Variants in ZHX2 observed in about 807,000 individuals in gnomAD.
ZHX2 encodes the protein zinc fingers and homeoboxes 2.
ZHX2 carries 6 observed loss-of-function variants against 21.9 expected under a neutral mutation model. The observed-to-expected ratio is 0.27, with a 90% CI of 0.15 to 0.54. The LOEUF is 0.54. ZHX2 is among the 20% of genes least tolerant of loss of function. The pLI is 0.95. For missense variants in ZHX2, 908 were observed against 1,090.7 expected, an observed-to-expected ratio of 0.83 and a Z score of 2.36; for synonymous variants, 434 against 437.1, an observed-to-expected ratio of 0.99 and a Z score of 0.09.
chr8:122,864,638 C>A (rs1204387795), intron 2 of ZHX2, among the ~76,000 whole-genome samples: 1 of 152,100 alleles, frequency 6.6e-6, no homozygotes, highest in Non-Finnish European at 1.5e-5. Flanking sequence ...ACTCACCCAC[C>A]CCCCCACTCC....
intron 2 of ZHX2, among the ~76,000 whole-genome samples, chr8:122,906,974 A>G (rs1353086455): frequency 6.6e-6 from 1 of 152,106 alleles, no homozygotes; most frequent in Non-Finnish European, 1.5e-5. Flanking sequence ...CTCGGCTATA[A>G]TTTTCATAAA....
intron 2 of ZHX2, among the ~76,000 whole-genome samples, chr8:122,934,691 G>GTTTC (rs1335947592): frequency 1.4e-5 from 2 of 139,362 alleles, no homozygotes; most frequent in Admixed American, 7.5e-5. Flanking sequence ...TCCCTCCTTC[G>GTTTC]TTTCTTTCTT....
chr8:122,866,147 A>T (rs1455227557), intron 2 of ZHX2, among the ~76,000 whole-genome samples: 5 of 152,194 alleles, frequency 3.3e-5, no homozygotes, highest in Non-Finnish European at 7.3e-5. Flanking sequence ...ACCAGCACAA[A>T]AGAAATATTC....
intron 1 of ZHX2, among the ~76,000 whole-genome samples, chr8:122,798,801 C>CAA (rs35258860): frequency 5.4e-5 from 7 of 128,936 alleles, no homozygotes; most frequent in Non-Finnish European, 8.3e-5. Flanking sequence ...GAGACTGTCT[C>CAA]AAAAAAAAAA....
intron 2 of ZHX2, among the ~76,000 whole-genome samples, chr8:122,879,230 C>G (rs1438937624): frequency 6.6e-6 from 1 of 152,018 alleles, no homozygotes; most frequent in East Asian, 1.9e-4. Flanking sequence ...TTTTTTGAGA[C>G]AGAGTCTCGC....
At chr8:122,844,835 C>G (rs1381854487) in intron 1 of ZHX2, among the ~76,000 whole-genome samples, 1 of 152,188 alleles carries the variant, frequency 6.6e-6, no homozygotes, top group Non-Finnish European at 1.5e-5. Flanking sequence ...TTTGCACTGA[C>G]TGCAAGGAAA....
intron 1 of ZHX2, among the ~76,000 whole-genome samples, chr8:122,851,181 G>T (rs1353328157): frequency 6.6e-6 from 1 of 152,182 alleles, no homozygotes; most frequent in Non-Finnish European, 1.5e-5. Flanking sequence ...CTATTTTGCA[G>T]ACAGAACGGC....
chr8:122,872,027 G>A (rs1819454065), intron 2 of ZHX2, among the ~76,000 whole-genome samples: 2 of 152,162 alleles, frequency 1.3e-5, no homozygotes, highest in South Asian at 2.1e-4. Flanking sequence ...CTATAACCCT[G>A]ACCCTGGCCC....
intron 1 of ZHX2, among the ~76,000 whole-genome samples, chr8:122,831,619 G>A (rs1818378519): frequency 6.6e-6 from 1 of 152,184 alleles, no homozygotes; most frequent in Non-Finnish European, 1.5e-5. Context: ...CCACTTGTTT[G>A]GCTACCTGAT....
At chr8:122,959,634 T>C (rs1293951345) in intron 3 of ZHX2, among the ~76,000 whole-genome samples, 4 of 152,170 alleles carry the variant, frequency 2.6e-5, no homozygotes, top group South Asian at 2.1e-4. Context: ...CTCATTTTTT[T>C]CCCATCACTC....
chr8:122,933,798 A>G (rs1010659514), intron 2 of ZHX2, among the ~76,000 whole-genome samples: 3 of 152,148 alleles, frequency 2.0e-5, no homozygotes, highest in Non-Finnish European at 4.4e-5. Context: ...GTGTAGAGTC[A>G]TGAGTTACCT....
chr8:122,808,649 G>C lies in ZHX2; in HGVS notation c.-283+26703G>C, dbSNP rs1817868591. The C allele has an allele frequency of 2.0e-5, 3 of 152,192 alleles. No individual in the cohort carries two copies. The South Asian group carries it at 6.2e-4, about 31-fold the overall frequency. 9.4% of individuals were successfully genotyped at this position (152,192 alleles called of 1,614,324 possible). A position where few individuals can be genotyped will look rare whatever the true frequency, so the allele number is the denominator to read the frequency against. On this transcript the variant is annotated intron_variant, in intron 1 of 3. Coordinates refer to ENST00000314393, the MANE Select transcript of ZHX2 (RefSeq NM_014943.5). ...AAATAGTAAGTAATAATAGCATATA[G>C]AGCACTGGCTGTGGTCAGGAGCGTT...
chr8:122,963,195 C>T (rs1053706527), intron 3 of ZHX2, among the ~76,000 whole-genome samples: 3 of 151,994 alleles, frequency 2.0e-5, no homozygotes, highest in African/African-American at 7.3e-5. Context: ...AACTCTTTGC[C>T]TAGGCCAATG....
At chr8:122,819,150 C>G (rs1028690408) in intron 1 of ZHX2, among the ~76,000 whole-genome samples, 2 of 152,116 alleles carry the variant, frequency 1.3e-5, no homozygotes, top group African/African-American at 2.4e-5. Flanking sequence ...GTGGTTAGAC[C>G]CAAAGTAACA....
chr8:122,796,309 C>T (rs1311890085), intron 1 of ZHX2, among the ~76,000 whole-genome samples: 1 of 152,180 alleles, frequency 6.6e-6, no homozygotes, highest in Admixed American at 6.5e-5. Flanking sequence ...TTTACCTTTC[C>T]CTTTGGAGGC....
chr8:122,832,656 A>G (rs779502656), intron 1 of ZHX2, among the ~76,000 whole-genome samples: 1 of 152,144 alleles, frequency 6.6e-6, no homozygotes, highest in Non-Finnish European at 1.5e-5. Context: ...AGTAGAGCGA[A>G]GGAGGGAACC....
chr8:122,781,284 T>A (rs1817276406), upstream of ZHX2: 1 of 152,200 alleles, frequency 6.6e-6, no homozygotes, highest in South Asian at 2.1e-4. This position sits in a 1 kb window ranked among gnomAD's most constrained non-coding sequence, Gnocchi z 4.6. Flanking sequence ...GTTGAGCTCA[T>A]CAGTGACACC....
chr8:122,953,255 A>T lies in ZHX2; in HGVS notation c.1745A>T (p.Lys582Met). ...GACTCCTGGTTCTCGGAGAGGCGGA[A>T]GCTTCGAGACAGCATGGAACAAGCT... is the stretch of plus-strand genomic sequence containing the variant. ...EIDSWFSERRKLRDSMEQAVL... is the reference protein window; with the variant it reads ...EIDSWFSERRMLRDSMEQAVL... Residue 582 changes from lysine (K) to methionine (M), a missense_variant, in exon 3 of 4, where the codon AAG (lysine) becomes ATG (methionine). Lys to Met is a moderately conservative substitution (Grantham distance 95, BLOSUM62 -1). This residue lies in a region of ZHX2 where 431 missense variants were observed against 428.6 expected (regional missense o/e 1.01). Coordinates refer to ENST00000314393, the MANE Select transcript of ZHX2 (RefSeq NM_014943.5). This position sits in a 1 kb window ranked among gnomAD's most constrained non-coding sequence, Gnocchi z 4.6. 1 of 1,614,078 alleles carries T rather than the reference A, an allele frequency of 6.2e-7. No individual in the cohort carries two copies. Among genetic ancestry groups the T allele is most frequent in the Non-Finnish European group, 8.5e-7 (1 of 1,180,008 alleles).
intron 1 of ZHX2, among the ~76,000 whole-genome samples, chr8:122,833,675 C>G (rs1190269855): frequency 6.6e-6 from 1 of 151,904 alleles, no homozygotes; most frequent in Non-Finnish European, 1.5e-5. Flanking sequence ...TGCCTAGGAG[C>G]GGAGTTGGGC....
Sources: allele counts gnomAD v4.1 joint callset (sites outside exome capture counted in the v4.1 genomes callset), GRCh38; gene constraint gnomAD v4.1.1; regional missense constraint gnomAD v4.1.1; non-coding constraint Gnocchi (gnomAD v3.1); transcripts MANE v1.5; gene names NCBI Gene and HGNC (gene_info 2026-07-23, HGNC 2026-07-21).